The following PPM1M variants were observed in gnomAD, a reference collection of about 807,000 sequenced individuals.
PPM1M encodes protein phosphatase 1M.
In PPM1M, 44 loss-of-function variants were observed where a neutral mutation model predicts 50.8. The observed-to-expected ratio is 0.87, with a 90% CI of 0.68 to 1.11. PPM1M has a LOEUF of 1.11. Ranked by LOEUF, PPM1M falls within the 50% of genes most tolerant of loss-of-function variation. The pLI, the probability that PPM1M is intolerant of heterozygous loss-of-function variation, is 0.00. For missense variants in PPM1M, 556 were observed against 593.4 expected (o/e 0.94, Z 0.66); for synonymous variants, 224 against 242.9 (o/e 0.92, Z 0.72).
intron 7 of PPM1M, 106 bp downstream of exon 7, chr3:52,248,806 T>A: frequency 7.2e-7 from 1 of 1,385,460 alleles, no homozygotes; most frequent in Non-Finnish European, 1.0e-6. Context: ...TGGCCTGGGA[T>A]TTGCTCTGAG....
At chr3:52,249,430 AG>A in intron 9 of PPM1M, 108 bp downstream of exon 9, 1 of 1,438,380 alleles carries the variant, frequency 7.0e-7, no homozygotes, top group Non-Finnish European at 9.5e-7. Flanking sequence ...GCAGCTGGCC[AG>A]GATCAGGGCT....
intron 7 of PPM1M, 82 bp from the exon 8 acceptor site, chr3:52,248,874 G>A (rs538523142): frequency 8.6e-6 from 11 of 1,272,672 alleles, no homozygotes; most frequent in Middle Eastern, 1.8e-4. Context: ...ACCTCTCCCT[G>A]TGTGCTCTGC....
In PPM1M at chr3:52,248,814, G is replaced by C. The variant is rs569513929; in HGVS notation, c.978+114G>C. ...TGGCTGGTGGCCTGGGATTTGCTCT[G>C]AGACTAGGAATTTTCTCTCTCAGTC... On this transcript the variant is annotated intron_variant, in intron 7 of 9. Transcript: ENST00000323588. 3.7e-6 allele frequency: 5 copies of C among 1,352,152 alleles called. No individual in the cohort carries two copies. In the East Asian group the frequency reaches 1.1e-4, roughly 31 times the overall value. The allele number at this position is 1,352,152 out of a possible 1,614,324, so 83.8% of individuals were successfully genotyped here. A position where few individuals can be genotyped will look rare whatever the true frequency, so the allele number is the denominator to read the frequency against.
chr3:52,249,647 T>C (rs746994291), intron 9 of PPM1M, 23 bp from the exon 10 acceptor site: 1 of 1,613,044 alleles, frequency 6.2e-7, no homozygotes, highest in Non-Finnish European at 8.5e-7. Flanking sequence ...CCCTGAAGTC[T>C]ATCTGCAGGA....
chr3:52,246,241 T>TC, intron 1 of PPM1M, 193 bp downstream of exon 1: 12 of 1,009,900 alleles, frequency 1.2e-5, no homozygotes, highest in Non-Finnish European at 1.3e-5. Flanking sequence ...GATTCCGACC[T>TC]CCCCCTCAGA....
At position 52,246,686 on chromosome 3, in the gene PPM1M, C is replaced by T. The variant is rs953878499; in HGVS notation, c.225-9C>T. On this transcript the variant is annotated splice_polypyrimidine_tract_variant and intron_variant, in intron 1 of 9. Coordinates refer to ENST00000323588, the MANE Select transcript of PPM1M (RefSeq NM_144641.4). The stretch of plus-strand genomic sequence containing the variant: ...CCCTGGAGGGTCGCTTACCATTTCC[C>T]GGCCTCAGGATTATCAATGCAGAGA... 7.7e-6 allele frequency: 10 copies of T among 1,302,482 alleles called. No individual in the cohort carries two copies. The highest frequency in any genetic ancestry group is 4.6e-5 in the Admixed American group (2 of 43,584). 80.7% of individuals were successfully genotyped at this position (1,302,482 alleles called of 1,614,324 possible). A position where few individuals can be genotyped will look rare whatever the true frequency, so the allele number is the denominator to read the frequency against.
rs1699906241 is a variant in PPM1M, at chr3:52,248,630, C to T, written c.915-7C>T. 3 of 1,613,906 alleles carry T rather than the reference C, an allele frequency of 1.9e-6. No homozygotes were observed. Among genetic ancestry groups the T allele is most frequent in the Non-Finnish European group, 2.5e-6 (3 of 1,179,846 alleles). ...GCTTGGGTTGATGCTGGCTCTGCTC[C>T]TGGTAGGAGCTACAAACGTGTGGAG... On this transcript the variant is annotated splice_region_variant and splice_polypyrimidine_tract_variant and intron_variant, in intron 6 of 9. Coordinates refer to ENST00000323588, the MANE Select transcript of PPM1M (RefSeq NM_144641.4).
At chr3:52,246,561 G>T (rs1699859740) in intron 1 of PPM1M, 134 bp from the exon 2 acceptor site, 2 of 510,448 alleles carry the variant, frequency 3.9e-6, no homozygotes. Flanking sequence ...GGTTGTCTAA[G>T]TGTGTGTTAG....
At chr3:52,247,388 A>G (rs1699878240) in intron 3 of PPM1M, 160 bp downstream of exon 3, 2 of 1,047,080 alleles carry the variant, frequency 1.9e-6, no homozygotes, top group Non-Finnish European at 2.7e-6. Context: ...CACTATCAGC[A>G]TAACCCCTCT....
intron 8 of PPM1M, 40 bp from the exon 9 acceptor site, chr3:52,249,134 C>T (rs761045558): frequency 1.1e-5 from 18 of 1,610,914 alleles, no homozygotes; most frequent in Admixed American, 1.0e-4. Flanking sequence ...TGGTGGGAGT[C>T]GGGAAGGGAG....
chr3:52,248,327 C>G lies in PPM1M; in HGVS notation c.796-8C>G. 6.2e-7 allele frequency: 1 copy of G among 1,609,292 alleles called. No individual in the cohort carries two copies. The highest frequency in any genetic ancestry group is 8.5e-7 in the Non-Finnish European group (1 of 1,177,556). On this transcript the variant is annotated splice_polypyrimidine_tract_variant and splice_region_variant and intron_variant, in intron 5 of 9. Coordinates refer to ENST00000323588, the MANE Select transcript of PPM1M (RefSeq NM_144641.4). ...GAGTATGACCTGAGCGCAGCCTCCC[C>G]ACCCCAGGCCTTTGTCTATCCTGAG...
chr3:52,248,327 C>T lies in PPM1M; in HGVS notation c.796-8C>T, dbSNP rs528240295. 6.2e-7 allele frequency: 1 copy of T among 1,609,292 alleles called. No individual in the cohort carries two copies. The highest frequency in any genetic ancestry group is 1.1e-5 in the South Asian group (1 of 90,372). ...GAGTATGACCTGAGCGCAGCCTCCC[C>T]ACCCCAGGCCTTTGTCTATCCTGAG... On this transcript the variant is annotated splice_polypyrimidine_tract_variant and splice_region_variant and intron_variant, in intron 5 of 9. Coordinates refer to ENST00000323588, the MANE Select transcript of PPM1M (RefSeq NM_144641.4).
chr3:52,246,392 C>T (rs1699857386), intron 1 of PPM1M: 5 of 1,078,608 alleles, frequency 4.6e-6, no homozygotes, highest in South Asian at 2.1e-5. Flanking sequence ...GTATGACCTG[C>T]GCTGTATGGG....
chr3:52,247,837 G>C, intron 4 of PPM1M, 43 bp downstream of exon 4: 1 of 1,099,552 alleles, frequency 9.1e-7, no homozygotes. Context: ...GGATGGGGAG[G>C]GCATAAGCAG....
rs1465559976 is a variant in PPM1M, at chr3:52,247,071, A to C, written c.440A>C (p.Gln147Pro). Reference protein sequence around the residue: ...ANTLHSCLRRQLEAVVEGLVA... With the variant: ...ANTLHSCLRRPLEAVVEGLVA... ...ACCCTGCACTCCTGCTTGCGCCGGCAGCTGGAGGCCGTGGTGGAAGGCTTG... is the reference window on the plus strand; with the variant it reads ...ACCCTGCACTCCTGCTTGCGCCGGCCGCTGGAGGCCGTGGTGGAAGGCTTG... Residue 147 changes from glutamine to proline, a missense_variant, in exon 3 of 10, where the codon CAG becomes CCG. Coordinates refer to ENST00000323588, the MANE Select transcript of PPM1M (RefSeq NM_144641.4). 1 of 1,572,104 alleles carries C rather than the reference A, an allele frequency of 6.4e-7. No homozygotes were observed. Among genetic ancestry groups the C allele is most frequent in the East Asian group, 2.4e-5 (1 of 42,500 alleles).
chr3:52,246,238 A>T (rs1196558343), intron 1 of PPM1M, 190 bp downstream of exon 1: 2 of 1,008,710 alleles, frequency 2.0e-6, no homozygotes, highest in African/African-American at 3.5e-5. Context: ...TGGGATTCCG[A>T]CCTCCCCCTC....
intron 2 of PPM1M, 71 bp downstream of exon 2, chr3:52,246,883 C>T (rs1559446580): frequency 1.3e-6 from 2 of 1,506,522 alleles, no homozygotes; most frequent in Admixed American, 4.0e-5. Flanking sequence ...GGCTGAGGTT[C>T]TTACCCTGCT....
At chr3:52,246,640 C>G (rs1699860894) in intron 1 of PPM1M, 55 bp from the exon 2 acceptor site, 2 of 1,163,734 alleles carry the variant, frequency 1.7e-6, no homozygotes, top group Non-Finnish European at 2.3e-6. Context: ...GGTCCCTGTG[C>G]CCATGGGGAC....
Position 52,249,239 on chromosome 3 carries a change from T to TG in PPM1M, c.1154dup (p.Leu386ThrfsTer56). On this transcript the variant is annotated frameshift_variant, in exon 9 of 10. Transcript: ENST00000323588. LOFTEE classifies it high-confidence loss of function. ...ATGATGTGGTTGTCATGGCAACTGATGGACTCTGGGATGTACTGTCCAACG... is the reference window on the plus strand; with the variant it reads ...ATGATGTGGTTGTCATGGCAACTGATGGGACTCTGGGATGTACTGTCCAACG... 2 of 1,613,948 alleles carry TG rather than the reference T, an allele frequency of 1.2e-6. No individual in the cohort carries two copies. Among genetic ancestry groups the TG allele is most frequent in the Non-Finnish European group, 1.7e-6 (2 of 1,179,870 alleles).
Sources: gnomAD v4.1 joint callset for allele counts on GRCh38, gnomAD v4.1.1 for gene constraint, MANE v1.5 for transcripts, NCBI Gene and HGNC (gene_info 2026-07-23, HGNC 2026-07-21) for gene names.